The following TLN1 variants were observed in gnomAD, a reference collection of about 807,000 sequenced individuals.
The protein encoded by TLN1 is talin 1, also known as talin-1.
Under a neutral mutation model 292.3 loss-of-function variants are expected in TLN1, and 56 were observed. The ratio of observed to expected loss-of-function variants is 0.19; its 90% CI spans 0.15 to 0.24. The LOEUF (loss-of-function observed/expected upper bound fraction) is 0.24. Ranked by LOEUF, TLN1 falls within the 10% of genes least tolerant of loss-of-function variation. TLN1 has a pLI of 1.00. For synonymous variants in TLN1, 1,119 were observed against 1,253.7 expected (o/e 0.89, Z 2.27); for missense variants, 2,433 against 3,248.2 (o/e 0.75, Z 6.10).
Position 35,717,215 on chromosome 9 carries a change from G to A in TLN1, c.2389C>T (p.Arg797Cys), listed in dbSNP as rs1439742550. 9 of 1,613,914 alleles carry A rather than the reference G, an allele frequency of 5.6e-6. No individual in the cohort carries two copies. Among genetic ancestry groups the A allele is most frequent in the African/African-American group, 1.3e-5 (1 of 74,928 alleles). The change falls in exon 19 of 57, where the codon CGT (arginine) becomes TGT (cysteine). Residue 797 changes from arginine to cysteine, a missense_variant. By Grantham distance (180) the Arg-to-Cys change is radical. Around this residue, in one of 7 missense-constraint regions of TLN1, gnomAD observed 617 missense variants for 770.6 expected, o/e 0.80. Transcript: ENST00000314888. The surrounding 1 kb of genome is among the most constrained non-coding windows in gnomAD (Gnocchi z 4.7). The part of the protein sequence containing the change: ...AHATGAGPAG[R>C]YDQATDTILT... ...ATGGTGTCAGTAGCCTGGTCATAACGGCCAGCAGGCCCAGCCCCTGTGGCA... is the reference window on the plus strand; with the variant it reads ...ATGGTGTCAGTAGCCTGGTCATAACAGCCAGCAGGCCCAGCCCCTGTGGCA...
At position 35,707,911 on chromosome 9, in the gene TLN1, G is replaced by A; in HGVS notation, c.4471-19C>T. 6.2e-7 allele frequency: 1 copy of A among 1,612,104 alleles called. No individual in the cohort carries two copies. The highest frequency in any genetic ancestry group is 8.5e-7 in the Non-Finnish European group (1 of 1,178,616). Reference sequence around the variant, plus strand: ...AGAGCACCTGAGGAGACACATGGAAGAGCCACGATGAGGGCAGGAAGGAGG... The same window carrying A: ...AGAGCACCTGAGGAGACACATGGAAAAGCCACGATGAGGGCAGGAAGGAGG... On this transcript the variant is annotated intron_variant, in intron 34 of 56. Coordinates refer to ENST00000314888, the MANE Select transcript of TLN1 (RefSeq NM_006289.4). This position sits in a 1 kb window ranked among gnomAD's most constrained non-coding sequence, Gnocchi z 5.6.
intron 17 of TLN1, among the ~76,000 whole-genome samples, chr9:35,718,350 T>C (rs1825821134): frequency 1.3e-5 from 2 of 152,224 alleles, no homozygotes; most frequent in Middle Eastern, 3.2e-3. Flanking sequence ...GGCCAGAGGC[T>C]GTTACCGTAG....
Position 35,703,550 on chromosome 9 carries a change from TCTCA to T in TLN1, c.6474+6_6474+9del. 1.2e-6 allele frequency: 2 copies of T among 1,613,558 alleles called. No individual in the cohort carries two copies. The highest frequency in any genetic ancestry group is 2.2e-5 in the East Asian group (1 of 44,888). On this transcript the variant is annotated splice_donor_region_variant and intron_variant, in intron 48 of 56. Coordinates refer to ENST00000314888, the MANE Select transcript of TLN1 (RefSeq NM_006289.4). ...GACCCTAGTCACTGATGCCCCAGAC[TCTCA>T]CTCACCGCCAGCTCCTGCCGTATGT...
Position 35,720,159 on chromosome 9 carries a change from G to A in TLN1, c.1344C>T (p.Ala448=), listed in dbSNP as rs747432850. 3.7e-6 allele frequency: 6 copies of A among 1,611,908 alleles called. No homozygotes were observed. Among genetic ancestry groups the A allele is most frequent in the Non-Finnish European group, 4.2e-6 (5 of 1,179,092 alleles). ...CTCCAGAGCGCATGATGGCAGGCAG[G>A]GCCACAGAGCCATGCTCCACTTTCC... ...RVGKVEHGSV[A]LPAIMRSGAS... The change falls in exon 13 of 57, where the codon GCC becomes GCT. Residue 448 remains alanine, a synonymous_variant. Transcript: ENST00000314888.
intron 1 of TLN1, among the ~76,000 whole-genome samples, chr9:35,728,212 G>A (rs1305760458): frequency 6.6e-6 from 1 of 152,204 alleles, no homozygotes; most frequent in Admixed American, 6.5e-5. Context: ...AGCTAAGAAA[G>A]TTGGGGTACT....
chr9:35,716,589 C>T (rs1460405198), intron 19 of TLN1, 33 bp from the exon 20 acceptor site: 1 of 1,605,586 alleles, frequency 6.2e-7, no homozygotes, highest in South Asian at 1.1e-5. Flanking sequence ...GGCGAGGAAG[C>T]CAGAGACACT....
chr9:35,731,596 C>CAA (rs1826081019), intron 1 of TLN1, among the ~76,000 whole-genome samples: 6 of 152,150 alleles, frequency 3.9e-5, no homozygotes, highest in Non-Finnish European at 8.8e-5. Context: ...ACCCTGAACT[C>CAA]AAATTATGAC....
At position 35,699,084 on chromosome 9, in the gene TLN1, A is replaced by C; in HGVS notation, c.6947T>G (p.Ile2316Ser). 6.2e-7 allele frequency: 1 copy of C among 1,613,986 alleles called. No individual in the cohort carries two copies. The highest frequency in any genetic ancestry group is 8.5e-7 in the Non-Finnish European group (1 of 1,179,916). ...ENELLGAAAA[I>S]EAAAKKLEQL... ...CTCTAGCTTTTTGGCTGCAGCCTCA[A>C]TGGCGGCTGCAGCTCCCAGGAGCTC... Residue 2316 changes from isoleucine to serine, a missense_variant, in exon 52 of 57, where the codon ATT becomes AGT. Coordinates refer to ENST00000314888, the MANE Select transcript of TLN1 (RefSeq NM_006289.4). This position sits in a 1 kb window ranked among gnomAD's most constrained non-coding sequence, Gnocchi z 4.0.
In TLN1 at chr9:35,698,499, T is replaced by C. The variant is rs1825406969; in HGVS notation, c.7195A>G (p.Met2399Val). Residue 2399 changes from methionine to valine, a missense_variant, in exon 55 of 57, where the codon ATG becomes GTG. Physicochemically the swap from Met to Val is conservative, Grantham distance 21. Around this residue, in one of 7 missense-constraint regions of TLN1, gnomAD observed 141 missense variants for 248.5 expected, o/e 0.57. Coordinates refer to ENST00000314888, the MANE Select transcript of TLN1 (RefSeq NM_006289.4). The surrounding 1 kb of genome is among the most constrained non-coding windows in gnomAD (Gnocchi z 5.3). ...WSQGLISAAR[M>V]VAAATNNLCE... Reference sequence around the variant, plus strand: ...AGATTGTTGGTGGCCGCAGCCACCATCCGGGCCTAAAGCAGGGAGAGTTTG... The same window carrying C: ...AGATTGTTGGTGGCCGCAGCCACCACCCGGGCCTAAAGCAGGGAGAGTTTG... The C allele has an allele frequency of 1.2e-6, 2 of 1,613,764 alleles. No individual in the cohort carries two copies. The highest frequency in any genetic ancestry group is 8.5e-7 in the Non-Finnish European group (1 of 1,179,894).
chr9:35,731,878 A>G lies in TLN1; in HGVS notation c.-34+197T>C, dbSNP rs556915009. 2.6e-5 allele frequency among the ~76,000 whole-genome samples: 4 copies of G among 151,876 alleles called. No homozygotes were observed. The East Asian group carries it at 5.8e-4, about 22-fold the overall frequency. On this transcript the variant is annotated intron_variant, in intron 1 of 56. Transcript: ENST00000314888. ...GCTCCCCAAAGCCTATCCCAGACAT[A>G]GGACTGCTCCCAGGAAAGGCCTGTC...
rs769886052 is a variant in TLN1 at position 35,714,663 on chromosome 9, G to A, written c.2896C>T (p.Leu966=). Reference sequence around the variant, plus strand: ...TGGCTTCCTCGGACGCCCTGCACCAGCAGTGGAATCTGCTCTGCCACTGCC... The same window carrying A: ...TGGCTTCCTCGGACGCCCTGCACCAACAGTGGAATCTGCTCTGCCACTGCC... The part of the protein sequence containing the change: ...CKAVAEQIPL[L]VQGVRGSQAQ... The change falls in exon 23 of 57, where the codon CTG becomes TTG. Residue 966 remains leucine (L), a synonymous_variant. Coordinates refer to ENST00000314888, the MANE Select transcript of TLN1 (RefSeq NM_006289.4). The surrounding 1 kb of genome is among the most constrained non-coding windows in gnomAD (Gnocchi z 4.6). The A allele has an allele frequency of 6.2e-7, 1 of 1,614,074 alleles. No individual in the cohort carries two copies. The highest frequency in any genetic ancestry group is 8.5e-7 in the Non-Finnish European group (1 of 1,180,038).
chr9:35,723,804 C>T (rs1375805468), intron 7 of TLN1, 148 bp downstream of exon 7: 6 of 1,185,168 alleles, frequency 5.1e-6, no homozygotes, highest in Non-Finnish European at 7.2e-6. Flanking sequence ...TGGATGATGG[C>T]AACTAAAAGG....
At chr9:35,716,190 TAAA>T (rs11443679) in intron 20 of TLN1, among the ~76,000 whole-genome samples, 197 bp downstream of exon 20, 3 of 112,418 alleles carry the variant, frequency 2.7e-5, no homozygotes, top group Admixed American at 9.4e-5. Flanking sequence ...ACCACATCTT[TAAA>T]AAAAAAAAAA....
Position 35,724,825 on chromosome 9 carries a change from C to T in TLN1, c.358+5G>A, listed in dbSNP as rs753797912. The T allele has an allele frequency of 6.2e-7, 1 of 1,614,156 alleles. No individual in the cohort carries two copies. The highest frequency in any genetic ancestry group is 8.5e-7 in the Non-Finnish European group (1 of 1,180,032). ...CAGGCTTTCAACTGTACTAGGGCCCCTTACCAATGCGGGCACAGATGGTCA... is the reference window on the plus strand; with the variant it reads ...CAGGCTTTCAACTGTACTAGGGCCCTTTACCAATGCGGGCACAGATGGTCA... On this transcript the variant is annotated splice_donor_5th_base_variant and intron_variant, in intron 4 of 56. Transcript: ENST00000314888. The surrounding 1 kb of genome is among the most constrained non-coding windows in gnomAD (Gnocchi z 4.7).
At chr9:35,729,609 A>G (rs1313627202) in intron 1 of TLN1, among the ~76,000 whole-genome samples, 1 of 152,246 alleles carries the variant, frequency 6.6e-6, no homozygotes, top group Non-Finnish European at 1.5e-5. Flanking sequence ...TATTAGTACA[A>G]ATTAAAGGTA....
chr9:35,725,656 C>T lies in TLN1; in HGVS notation c.39G>A (p.Val13=), dbSNP rs972898272. 5 of 1,613,862 alleles carry T rather than the reference C, an allele frequency of 3.1e-6. No homozygotes were observed. Among genetic ancestry groups the T allele is most frequent in the Non-Finnish European group, 4.2e-6 (5 of 1,179,992 alleles). The change falls in exon 2 of 57, where the codon GTG becomes GTA. Residue 13 remains valine, a synonymous_variant. Coordinates refer to ENST00000314888, the MANE Select transcript of TLN1 (RefSeq NM_006289.4). ...ALSLKISIGN[V]VKTMQFEPST... ...ACGGCTCAAACTGCATCGTCTTCACCACATTCCCAATGCTGATCTTCAGTG... is the reference window on the plus strand; with the variant it reads ...ACGGCTCAAACTGCATCGTCTTCACTACATTCCCAATGCTGATCTTCAGTG...
chr9:35,714,244 G>A lies in TLN1; in HGVS notation c.3115C>T (p.Gln1039Ter), dbSNP rs1403198566. 6.2e-7 allele frequency: 1 copy of A among 1,609,174 alleles called. No individual in the cohort carries two copies. The highest frequency in any genetic ancestry group is 1.3e-5 in the African/African-American group (1 of 74,842). Residue 1039 changes from glutamine (Q) to a stop codon, truncating the protein, a stop_gained, in exon 24 of 57, where the codon CAG becomes TAG. Transcript: ENST00000314888. LOFTEE classifies it high-confidence loss of function. The surrounding 1 kb of genome is among the most constrained non-coding windows in gnomAD (Gnocchi z 4.6). ...GCCAGAACCAGCTTCCATACCTTCT[G>A]GGCAGCCGTCCGGAGTTCAGCCAGC... is the stretch of plus-strand genomic sequence containing the variant. ...TALAELRTAA[Q>*]KAQEACGPLE...
chr9:35,715,712 G>A (rs906142086), intron 20 of TLN1, among the ~76,000 whole-genome samples: 2 of 152,234 alleles, frequency 1.3e-5, no homozygotes, highest in African/African-American at 2.4e-5. Flanking sequence ...GGAATCCCAG[G>A]CAGGGTAGCA....
In TLN1 at chr9:35,717,895, G is replaced by T; in HGVS notation, c.1996-109C>A. On this transcript the variant is annotated intron_variant, in intron 17 of 56. Coordinates refer to ENST00000314888, the MANE Select transcript of TLN1 (RefSeq NM_006289.4). The surrounding 1 kb of genome is among the most constrained non-coding windows in gnomAD (Gnocchi z 4.7). ...TTCCCACTGATCCAATCAAAGGAGA[G>T]TGTACGCAGAAGCAACCAGAACCTA... The T allele has an allele frequency of 1.5e-6, 2 of 1,366,924 alleles. No individual in the cohort carries two copies. The highest frequency in any genetic ancestry group is 1.4e-5 in the South Asian group (1 of 73,070). 84.7% of individuals were successfully genotyped at this position (1,366,924 alleles called of 1,614,324 possible). A position where few individuals can be genotyped will look rare whatever the true frequency, so the allele number is the denominator to read the frequency against.
Sources: gnomAD v4.1 joint callset for allele counts (sites outside exome capture counted in the v4.1 genomes callset) on GRCh38, gnomAD v4.1.1 for gene constraint, gnomAD v4.1.1 regional missense constraint, Gnocchi (gnomAD v3.1) non-coding constraint, MANE v1.5 for transcripts, NCBI Gene and HGNC (gene_info 2026-07-23, HGNC 2026-07-21) for gene names.